GCNT1: variants seen among roughly 807,000 people sequenced by gnomAD.
GCNT1 encodes glucosaminyl (N-acetyl) transferase 1.
GCNT1 carries 16 observed loss-of-function variants against 26.2 expected under a neutral mutation model. The ratio of observed to expected loss-of-function variants is 0.61; its 90% CI spans 0.41 to 0.93. GCNT1 has a LOEUF of 0.93. Ranked by LOEUF, GCNT1 falls within the 40% of genes least tolerant of loss-of-function variation. The pLI, the probability that GCNT1 is intolerant of heterozygous loss-of-function variation, is 0.00. For missense variants in GCNT1, 477 were observed against 526.7 expected (o/e 0.91, Z 0.92); for synonymous variants, 183 against 190.8 (o/e 0.96, Z 0.34).
chr9:76,504,957 ACT>A lies in GCNT1; in HGVS notation c.*1295_*1296del, dbSNP rs1445769764. 2 of 412,350 alleles carry A rather than the reference ACT, an allele frequency of 4.9e-6. No individual in the cohort carries two copies. Among genetic ancestry groups the A allele is most frequent in the African/African-American group, 2.1e-5 (1 of 48,348 alleles). 25.5% of individuals were successfully genotyped at this position (412,350 alleles called of 1,614,324 possible). A position where few individuals can be genotyped will look rare whatever the true frequency, so the allele number is the denominator to read the frequency against. On this transcript the variant is annotated 3_prime_UTR_variant, in exon 4 of 4. Transcript: ENST00000376730. The stretch of plus-strand genomic sequence containing the variant: ...GTATCATTCACAGCATACGATTTTT[ACT>A]CTCTCCATCTTCACCATAAGACAGA...
intron 1 of GCNT1, among the ~76,000 whole-genome samples, chr9:76,447,848 T>G (rs1452681842): frequency 1.3e-5 from 2 of 152,244 alleles, no homozygotes; most frequent in Non-Finnish European, 2.9e-5. Flanking sequence ...ACAATCCCTG[T>G]GTCCAGTACG....
At chr9:76,477,554 A>G (rs1434956945) in intron 2 of GCNT1, among the ~76,000 whole-genome samples, 1 of 151,776 alleles carries the variant, frequency 6.6e-6, no homozygotes, top group Non-Finnish European at 1.5e-5. Flanking sequence ...TCCATGTAAC[A>G]TTCTTCATCT....
chr9:76,463,275 TA>T (rs143854775), intron 2 of GCNT1, among the ~76,000 whole-genome samples: 1 of 152,058 alleles, frequency 6.6e-6, no homozygotes, highest in Non-Finnish European at 1.5e-5. Context: ...GGCCCCTTGT[TA>T]AAAAAATTAA....
intron 2 of GCNT1, among the ~76,000 whole-genome samples, chr9:76,461,817 A>T (rs1444886748): frequency 6.6e-6 from 1 of 152,190 alleles, no homozygotes; most frequent in Non-Finnish European, 1.5e-5. Context: ...TGAACCCGGG[A>T]GGCGGAGGTT....
intron 2 of GCNT1, among the ~76,000 whole-genome samples, chr9:76,478,231 T>C (rs1397276043): frequency 6.6e-6 from 1 of 152,232 alleles, no homozygotes; most frequent in Non-Finnish European, 1.5e-5. Flanking sequence ...TAAATCTTGC[T>C]GTTGGTCACT....
intron 1 of GCNT1, among the ~76,000 whole-genome samples, chr9:76,452,451 G>T (rs1823685594): frequency 6.6e-6 from 1 of 152,138 alleles, no homozygotes; most frequent in Admixed American, 6.5e-5. Flanking sequence ...AACTACCTGA[G>T]ACTGGGTAAT....
Position 76,499,589 on chromosome 9 carries a change from G to A in GCNT1, c.-289-1327G>A, listed in dbSNP as rs1825007057. 2.0e-5 allele frequency among the ~76,000 whole-genome samples: 3 copies of A among 152,180 alleles called. No homozygotes were observed. In the South Asian group the frequency reaches 6.2e-4, roughly 32 times the overall value. On this transcript the variant is annotated intron_variant, in intron 2 of 3. Transcript: ENST00000376730. The stretch of plus-strand genomic sequence containing the variant: ...TCTTTCAACAGTTTGATTATGAAAT[G>A]TCTAGGTAAGGATATCTGAGTTTAT...
At chr9:76,443,374 G>A (rs944107959) in intron 1 of GCNT1, among the ~76,000 whole-genome samples, 5 of 152,268 alleles carry the variant, frequency 3.3e-5, no homozygotes, top group Middle Eastern at 3.4e-3. Flanking sequence ...CATTAGCATT[G>A]TTTCTATAGA....
rs780219492 is a variant in GCNT1, at chr9:76,503,048, A to G, written c.667A>G (p.Ile223Val). 9.3e-6 allele frequency: 15 copies of G among 1,614,036 alleles called. No individual in the cohort carries two copies. In the African/African-American group the frequency reaches 1.3e-4, roughly 14 times the overall value. The change falls in exon 4 of 4, where the codon ATT becomes GTT. Residue 223 changes from isoleucine (I) to valine (V), a missense_variant. Physicochemically the swap from Ile to Val is conservative, Grantham distance 29 (BLOSUM62 3). Coordinates refer to ENST00000376730, the MANE Select transcript of GCNT1 (RefSeq NM_001490.5). ...LINLCGMDFPIKTNLEIVRKL... is the reference protein window; with the variant it reads ...LINLCGMDFPVKTNLEIVRKL... ...AAATCTTTGTGGTATGGATTTTCCC[A>G]TTAAAACCAACCTAGAAATTGTCAG... is the stretch of plus-strand genomic sequence containing the variant.
upstream of GCNT1, among the ~76,000 whole-genome samples, chr9:76,458,887 C>A (rs147797779): frequency 2.6e-3 from 402 of 152,352 alleles, 1 homozygote; most frequent in African/African-American, 9.3e-3. Context: ...TCAGAAAAGG[C>A]AGCATTTCTC....
intron 2 of GCNT1, among the ~76,000 whole-genome samples, chr9:76,496,171 G>A (rs993092964): frequency 3.3e-5 from 5 of 152,210 alleles, no homozygotes; most frequent in Non-Finnish European, 7.3e-5. Context: ...TAGGCCTGGT[G>A]TGCCCTGGAA....
the GCNT1 span, among the ~76,000 whole-genome samples, chr9:76,403,451 T>A: frequency 6.6e-6 from 1 of 152,204 alleles, no homozygotes; most frequent in Non-Finnish European, 1.5e-5. Flanking sequence ...ACTACAAGAA[T>A]TTCATTCCTC....
chr9:76,395,640 G>A, the GCNT1 span, among the ~76,000 whole-genome samples: 1 of 152,128 alleles, frequency 6.6e-6, no homozygotes, highest in Admixed American at 6.5e-5. Flanking sequence ...AAGGAAAGGG[G>A]AAGGGAAAGT....
the GCNT1 span, among the ~76,000 whole-genome samples, chr9:76,413,673 T>G: frequency 1.0e-3 from 129 of 128,210 alleles, no homozygotes; most frequent in African/African-American, 3.2e-3. Context: ...TTTTTGTTTT[T>G]TTTTTTTTTT....
intron 2 of GCNT1, among the ~76,000 whole-genome samples, chr9:76,481,577 G>C (rs1420806884): frequency 1.3e-5 from 2 of 151,976 alleles, no homozygotes; most frequent in Admixed American, 6.5e-5. Context: ...AAGCTGATTA[G>C]CCATCTTTAT....
At chr9:76,413,653 G>GTTTTTTTTTTTTTGTTTTTTTTTTT in the GCNT1 span, among the ~76,000 whole-genome samples, 2 of 118,666 alleles carry the variant, frequency 1.7e-5, no homozygotes, top group Non-Finnish European at 3.5e-5. Context: ...GTTTTGTTTT[G>GTTTTTTTTTTTTTGTTTTTTTTTTT]TTTTTTTTTT....
the GCNT1 span, among the ~76,000 whole-genome samples, chr9:76,414,188 A>G: frequency 6.6e-6 from 1 of 152,182 alleles, no homozygotes; most frequent in Non-Finnish European, 1.5e-5. Flanking sequence ...TATCAACATC[A>G]CTGCCATATC....
At chr9:76,469,749 G>A (rs1021966699) in intron 2 of GCNT1, among the ~76,000 whole-genome samples, 3 of 152,148 alleles carry the variant, frequency 2.0e-5, no homozygotes, top group Non-Finnish European at 4.4e-5. Flanking sequence ...CATTGTTCCT[G>A]CACGGCTAAG....
chr9:76,447,538 C>T (rs905191124), intron 1 of GCNT1, among the ~76,000 whole-genome samples: 5 of 152,268 alleles, frequency 3.3e-5, no homozygotes, highest in African/African-American at 1.2e-4. Flanking sequence ...AGCCACTGTG[C>T]CCAGCCTAAA....
Sources: allele counts gnomAD v4.1 joint callset (sites outside exome capture counted in the v4.1 genomes callset), GRCh38; gene constraint gnomAD v4.1.1; transcripts MANE v1.5; gene names NCBI Gene and HGNC (gene_info 2026-07-23, HGNC 2026-07-21).